The following RCAN2 variants were observed in gnomAD, a reference collection of about 807,000 sequenced individuals.
RCAN2 encodes the protein regulator of calcineurin 2.
A neutral mutation model predicts 23.6 loss-of-function variants in RCAN2; 9 were observed. The observed-to-expected ratio is 0.38, with a 90% CI of 0.23 to 0.67. The LOEUF (loss-of-function observed/expected upper bound fraction) is 0.67, where lower values mean the gene tolerates loss of function less well. RCAN2 is among the 30% of genes least tolerant of loss of function. The probability of loss-of-function intolerance (pLI) is 0.51; values close to 1 mark genes in which losing one functional copy is unlikely to be tolerated. For synonymous variants in RCAN2, 109 were observed against 115.7 expected, an observed-to-expected ratio of 0.94 and a Z score of 0.37; for missense variants, 273 against 302.3, an observed-to-expected ratio of 0.90 and a Z score of 0.72.
intron 2 of RCAN2, among the ~76,000 whole-genome samples, chr6:46,316,469 C>A (rs1454214112): frequency 6.6e-6 from 1 of 152,194 alleles, no homozygotes; most frequent in African/African-American, 2.4e-5. Flanking sequence ...GGAGACTAGA[C>A]TTCCTTCTCA....
At chr6:46,269,816 G>T (rs536407338) in intron 2 of RCAN2, among the ~76,000 whole-genome samples, 4 of 152,250 alleles carry the variant, frequency 2.6e-5, no homozygotes, top group East Asian at 1.9e-4. Context: ...CCCAACAAAG[G>T]TCTCTGCAGA....
At chr6:46,311,703 G>C (rs1763265158) in intron 2 of RCAN2, among the ~76,000 whole-genome samples, 1 of 152,156 alleles carries the variant, frequency 6.6e-6, no homozygotes, top group African/African-American at 2.4e-5. Flanking sequence ...ATGAAATCTT[G>C]ACAAACTTCT....
chr6:46,263,671 C>G (rs142714739), intron 2 of RCAN2, among the ~76,000 whole-genome samples: 1 of 149,246 alleles, frequency 6.7e-6, no homozygotes, highest in Admixed American at 6.7e-5. Flanking sequence ...TCAGAATTCT[C>G]CAGGCAGGAG....
intron 2 of RCAN2, among the ~76,000 whole-genome samples, chr6:46,317,471 T>G (rs541359016): frequency 5.3e-5 from 8 of 152,288 alleles, no homozygotes; most frequent in Middle Eastern, 3.4e-3. Context: ...TTATTTATTT[T>G]TATTTTTTGA....
Position 46,420,214 on chromosome 6 carries a change from A to C in RCAN2, c.225+36538T>G, listed in dbSNP as rs183622171. Among the ~76,000 whole-genome samples, 3 of 152,236 alleles carry C rather than the reference A, an allele frequency of 2.0e-5. No homozygotes were observed. The East Asian group carries it at 5.8e-4, about 29-fold the overall frequency. On this transcript the variant is annotated intron_variant, in intron 2 of 4. Transcript: ENST00000371374. Reference sequence around the variant, plus strand: ...CCTGAAAGACTAGAGCATTTAAACAAATGTTTTAGTTATCATCGTATCACT... The same window carrying C: ...CCTGAAAGACTAGAGCATTTAAACACATGTTTTAGTTATCATCGTATCACT...
intron 2 of RCAN2, among the ~76,000 whole-genome samples, chr6:46,401,981 A>G (rs574865364): frequency 6.6e-6 from 1 of 152,358 alleles, no homozygotes; most frequent in Non-Finnish European, 1.5e-5. Flanking sequence ...AGCCCATGTC[A>G]TGGCAGGTCA....
rs1336240496 is a variant in RCAN2 at position 46,398,782 on chromosome 6, C to T, written c.225+57970G>A. On this transcript the variant is annotated intron_variant, in intron 2 of 4. Coordinates refer to ENST00000371374, the MANE Select transcript of RCAN2 (RefSeq NM_001251974.2). Reference sequence around the variant, plus strand: ...TTGCCCTCAGCTCTCAGTACCCAGGCCACAATGTGATCAGTGATTTAACTT... The same window carrying T: ...TTGCCCTCAGCTCTCAGTACCCAGGTCACAATGTGATCAGTGATTTAACTT... Among the ~76,000 whole-genome samples the T allele has an allele frequency of 2.0e-5, 3 of 152,056 alleles. No individual in the cohort carries two copies. In the East Asian group the frequency reaches 5.8e-4, roughly 29 times the overall value.
intron 1 of RCAN2, among the ~76,000 whole-genome samples, chr6:46,457,684 T>C (rs1768081508): frequency 6.6e-6 from 1 of 152,148 alleles, no homozygotes; most frequent in South Asian, 2.1e-4. Context: ...ACCTCCCAGA[T>C]ATTTCCTCTT....
chr6:46,263,521 A>ATGTGTGTATGTGTG (rs1767202971), intron 2 of RCAN2, among the ~76,000 whole-genome samples: 3 of 105,026 alleles, frequency 2.9e-5, no homozygotes, highest in Admixed American at 9.2e-5. Context: ...GTATGTGTGT[A>ATGTGTGTATGTGTG]TGTGTGTGTG....
At chr6:46,449,840 T>C (rs1226644833) in intron 2 of RCAN2, among the ~76,000 whole-genome samples, 4 of 151,822 alleles carry the variant, frequency 2.6e-5, no homozygotes, top group African/African-American at 9.7e-5. Context: ...TGAAATAGAC[T>C]TACATAAGAC....
chr6:46,307,580 G>C (rs1763112874), intron 2 of RCAN2, among the ~76,000 whole-genome samples: 2 of 152,086 alleles, frequency 1.3e-5, no homozygotes, highest in Non-Finnish European at 2.9e-5. Flanking sequence ...TATATGTTGT[G>C]CTCCTGTTCC....
intron 2 of RCAN2, among the ~76,000 whole-genome samples, chr6:46,371,802 AAGAAAGG>A (rs1395946461): frequency 1.3e-5 from 2 of 152,196 alleles, no homozygotes; most frequent in East Asian, 3.8e-4. Flanking sequence ...CTTTCTTAGG[AAGAAAGG>A]AGATCGAAGG....
At chr6:46,223,823 G>A (rs1380722220) in intron 4 of RCAN2, among the ~76,000 whole-genome samples, 1 of 152,142 alleles carries the variant, frequency 6.6e-6, no homozygotes, top group Admixed American at 6.6e-5. Context: ...TGGGTAACTG[G>A]GTTAGATGAC....
intron 2 of RCAN2, among the ~76,000 whole-genome samples, chr6:46,422,900 C>T (rs1766921884): frequency 6.6e-6 from 1 of 152,146 alleles, no homozygotes; most frequent in South Asian, 2.1e-4. Context: ...AGAGAATAAA[C>T]AAAGCTCTCA....
At chr6:46,374,644 A>G (rs1425748166) in intron 2 of RCAN2, among the ~76,000 whole-genome samples, 1 of 152,202 alleles carries the variant, frequency 6.6e-6, no homozygotes, top group Non-Finnish European at 1.5e-5. Flanking sequence ...CCTAAATTTG[A>G]CAATGAAAAT....
At chr6:46,238,111 G>A (rs1038303990) in intron 4 of RCAN2, among the ~76,000 whole-genome samples, 3 of 152,140 alleles carry the variant, frequency 2.0e-5, no homozygotes, top group Non-Finnish European at 2.9e-5. Flanking sequence ...ATGGACATGG[G>A]CCATGCAAAT....
At chr6:46,255,121 T>C (rs1163335804) in intron 2 of RCAN2, among the ~76,000 whole-genome samples, 1 of 152,178 alleles carries the variant, frequency 6.6e-6, no homozygotes, top group Non-Finnish European at 1.5e-5. Context: ...TAGGCAGCCT[T>C]GCAGACCTAC....
At chr6:46,342,244 A>T (rs1024258032) in intron 2 of RCAN2, among the ~76,000 whole-genome samples, 9 of 152,166 alleles carry the variant, frequency 5.9e-5, no homozygotes, top group African/African-American at 1.9e-4. Flanking sequence ...AAGGAAAAAG[A>T]GTATCAGGGC....
At chr6:46,426,534 G>A (rs1449037355) in intron 2 of RCAN2, among the ~76,000 whole-genome samples, 4 of 152,166 alleles carry the variant, frequency 2.6e-5, no homozygotes, top group African/African-American at 7.2e-5. Context: ...GCTGAACACT[G>A]TATTCCATAG....
Sources: gnomAD v4.1 joint callset for allele counts (sites outside exome capture counted in the v4.1 genomes callset) on GRCh38, gnomAD v4.1.1 for gene constraint, MANE v1.5 for transcripts, NCBI Gene and HGNC (gene_info 2026-07-23, HGNC 2026-07-21) for gene names.